Variants in DAB1 observed in about 807,000 individuals in gnomAD.
DAB1 encodes the protein disabled homolog 1.
DAB1 carries 15 observed loss-of-function variants against 64.6 expected under a neutral mutation model. The ratio of observed to expected loss-of-function variants is 0.23; its 90% CI spans 0.16 to 0.36. The LOEUF is 0.36. DAB1 is among the 10% of genes least tolerant of loss of function. DAB1 has a pLI of 1.00. For synonymous variants in DAB1, 235 were observed against 251.9 expected (o/e 0.93, Z 0.64); for missense variants, 596 against 706.7 (o/e 0.84, Z 1.78).
intron 6 of DAB1, among the ~76,000 whole-genome samples, chr1:57,753,342 A>C (rs1648642398): frequency 6.6e-6 from 1 of 152,162 alleles, no homozygotes; most frequent in Non-Finnish European, 1.5e-5. Context: ...ACTGGACCTA[A>C]TGAGAACTGT....
rs1027531458 is a variant in DAB1, at chr1:57,717,266, T to TA, written n.552-67602dup. Reference sequence around the variant, plus strand: ...TTAAAAGAATAAATAAAAATAAAAATAAAAAAAAAAGAAAGAAAGAAGACA... The same window carrying TA: ...TTAAAAGAATAAATAAAAATAAAAATAAAAAAAAAAAGAAAGAAAGAAGACA... On this transcript the variant is annotated intron_variant and non_coding_transcript_variant, in intron 6 of 20. Coordinates refer to the DAB1 transcript ENST00000485760. Among the ~76,000 whole-genome samples, 91 of 132,710 alleles carry TA rather than the reference T, an allele frequency of 6.9e-4. No individual in the cohort carries two copies. In the South Asian group the frequency reaches 8.7e-3, roughly 13 times the overall value. 87.1% of individuals were successfully genotyped at this position (132,710 alleles called of 152,430 possible).
intron 7 of DAB1, among the ~76,000 whole-genome samples, chr1:57,477,189 G>A (rs1214640550): frequency 6.6e-6 from 1 of 152,162 alleles, no homozygotes; most frequent in Non-Finnish European, 1.5e-5. Flanking sequence ...ATGCAAAACG[G>A]TTGAGTGCTG....
intron 7 of DAB1, among the ~76,000 whole-genome samples, chr1:57,594,253 G>A (rs148678698): frequency 1.3e-5 from 2 of 152,284 alleles, no homozygotes; most frequent in African/African-American, 4.8e-5. Flanking sequence ...ATCTGGAAAT[G>A]GAAAAGAAGG....
chr1:57,313,373 TA>T (rs748250963), intron 1 of DAB1, among the ~76,000 whole-genome samples: 10 of 152,250 alleles, frequency 6.6e-5, no homozygotes, highest in South Asian at 2.1e-4. Flanking sequence ...CAAAATGTGT[TA>T]AAAAAATTAT....
At chr1:58,029,460 C>T (rs1646940872) in intron 5 of DAB1, among the ~76,000 whole-genome samples, 1 of 152,142 alleles carries the variant, frequency 6.6e-6, no homozygotes, top group African/African-American at 2.4e-5. Flanking sequence ...TATTGACGAA[C>T]AGGGGTGTTG....
chr1:58,377,602 T>C (rs972386839), intron 3 of DAB1, among the ~76,000 whole-genome samples: 4 of 138,220 alleles, frequency 2.9e-5, no homozygotes, highest in Admixed American at 2.9e-4. Flanking sequence ...TCTCTCTAGC[T>C]GCCCTTAACA....
intron 7 of DAB1, among the ~76,000 whole-genome samples, chr1:57,521,661 T>C (rs1023224391): frequency 6.6e-6 from 1 of 152,162 alleles, no homozygotes; most frequent in Admixed American, 6.5e-5. Flanking sequence ...GCCATAGTAT[T>C]TATAAAGAAA....
intron 7 of DAB1, among the ~76,000 whole-genome samples, chr1:57,566,902 G>A (rs965413703): frequency 2.0e-5 from 3 of 152,126 alleles, no homozygotes; most frequent in African/African-American, 7.2e-5. Flanking sequence ...TAGAAAAAGA[G>A]GGAATCCTCC....
At chr1:58,124,449 T>C (rs1214432704) in intron 5 of DAB1, among the ~76,000 whole-genome samples, 2 of 152,176 alleles carry the variant, frequency 1.3e-5, no homozygotes, top group Non-Finnish European at 2.9e-5. Context: ...AGGGGCTGTA[T>C]GTGTCAGGGG....
At chr1:57,214,138 T>C (rs1382909452) in intron 2 of DAB1, among the ~76,000 whole-genome samples, 3 of 136,820 alleles carry the variant, frequency 2.2e-5, no homozygotes, top group South Asian at 2.1e-4. Context: ...TCTGGAGTCT[T>C]GGAAAGTCCA....
At chr1:57,377,095 C>A (rs1329372808) in intron 1 of DAB1, among the ~76,000 whole-genome samples, 1 of 152,008 alleles carries the variant, frequency 6.6e-6, no homozygotes, top group Non-Finnish European at 1.5e-5. Context: ...CATGGTGAAA[C>A]CCCATCTCTA....
chr1:58,399,596 G>A (rs556106706), intron 3 of DAB1, among the ~76,000 whole-genome samples: 18 of 152,290 alleles, frequency 1.2e-4, no homozygotes, highest in South Asian at 8.3e-4. Flanking sequence ...TCCAAAGTCC[G>A]AGCTCTAACC....
chr1:58,046,119 A>C (rs1318892075), intron 5 of DAB1, among the ~76,000 whole-genome samples: 1 of 152,204 alleles, frequency 6.6e-6, no homozygotes, highest in African/African-American at 2.4e-5. Context: ...TATTGAGTTA[A>C]GTCCATGATA....
At chr1:57,889,909 G>C (rs1250717326) in intron 5 of DAB1, among the ~76,000 whole-genome samples, 3 of 112,142 alleles carry the variant, frequency 2.7e-5, no homozygotes, top group Non-Finnish European at 5.6e-5. Context: ...CGGGGGGGGG[G>C]GAGGGGGAAG....
At chr1:58,005,564 A>G (rs1284400246) in intron 5 of DAB1, among the ~76,000 whole-genome samples, 2 of 151,012 alleles carry the variant, frequency 1.3e-5, no homozygotes, top group Admixed American at 6.6e-5. Context: ...TGATACCCAG[A>G]CAGCTGGCTG....
At chr1:58,012,394 T>C (rs953101664) in intron 5 of DAB1, among the ~76,000 whole-genome samples, 1 of 152,190 alleles carries the variant, frequency 6.6e-6, no homozygotes, top group African/African-American at 2.4e-5. Flanking sequence ...CTGTGGCCTC[T>C]TCAGGGTCCA....
chr1:58,392,758 C>T (rs910490694), intron 3 of DAB1, among the ~76,000 whole-genome samples: 1 of 152,230 alleles, frequency 6.6e-6, no homozygotes, highest in Admixed American at 6.5e-5. Flanking sequence ...TTCCTGTTCA[C>T]CTCTCCACTG....
intron 5 of DAB1, among the ~76,000 whole-genome samples, chr1:57,967,783 C>T (rs1008186049): frequency 2.0e-5 from 3 of 152,124 alleles, no homozygotes; most frequent in Non-Finnish European, 4.4e-5. Context: ...GAGGGCTCAA[C>T]TCATAGTAAG....
In DAB1 at chr1:57,015,241, C is replaced by A. The variant is rs771457263; in HGVS notation, c.1086G>T (p.Pro362=). Residue 362 remains proline (P), a synonymous_variant, in exon 12 of 15, where the codon CCG becomes CCT. Coordinates refer to ENST00000371236, the MANE Select transcript of DAB1 (RefSeq NM_001365792.1). The part of the protein sequence containing the change: ...QPWPTVAGQF[P]PAAFMPTQTV... ...TTTGTGTGGGCATGAAGGCGGCTGG[C>A]GGAAACTGCCCGGCCACAGTTGGCC... 1 of 1,613,960 alleles carries A rather than the reference C, an allele frequency of 6.2e-7. No homozygotes were observed. Among genetic ancestry groups the A allele is most frequent in the Non-Finnish European group, 8.5e-7 (1 of 1,179,996 alleles).
Sources: gnomAD v4.1 joint callset for allele counts (sites outside exome capture counted in the v4.1 genomes callset) on GRCh38, gnomAD v4.1.1 for gene constraint, MANE v1.5 for transcripts, NCBI Gene and HGNC (gene_info 2026-07-23, HGNC 2026-07-21) for gene names.